The following FAT3 variants were observed in gnomAD, a reference collection of about 807,000 sequenced individuals.
FAT3 encodes protocadherin Fat 3.
FAT3 carries 95 observed loss-of-function variants against 310.2 expected under a neutral mutation model. The observed-to-expected ratio is 0.31, with a 90% confidence interval of 0.26 to 0.36. The LOEUF is 0.36. Among genes scored for constraint, FAT3 ranks in the 10% least tolerant of loss-of-function variants. The pLI is 1.00. For missense variants in FAT3, 5,408 were observed against 5,715.6 expected (o/e 0.95, Z 1.74); for synonymous variants, 2,314 against 2,192.9 (o/e 1.06, Z -1.54).
At chr11:92,847,822 C>A (rs1210602083) in intron 19 of FAT3, among the ~76,000 whole-genome samples, 2 of 152,082 alleles carry the variant, frequency 1.3e-5, no homozygotes, top group African/African-American at 2.4e-5. Flanking sequence ...AAAAATACAA[C>A]CATGAATTGT....
At chr11:92,499,713 A>ATGTGTG (rs1236694038) in intron 2 of FAT3, among the ~76,000 whole-genome samples, 40 of 119,406 alleles carry the variant, frequency 3.3e-4, no homozygotes, top group African/African-American at 1.3e-3. Flanking sequence ...GTGTGTGTGT[A>ATGTGTG]TGTGTGTGTA....
intron 10 of FAT3, 114 bp downstream of exon 10, chr11:92,802,023 A>AAG: frequency 9.7e-7 from 1 of 1,033,136 alleles, no homozygotes; most frequent in Non-Finnish European, 1.4e-6. Flanking sequence ...CAGTGTAATG[A>AAG]AGCCTCTCTG....
At chr11:92,835,623 AT>A (rs1224338967) in intron 15 of FAT3, among the ~76,000 whole-genome samples, 1 of 152,188 alleles carries the variant, frequency 6.6e-6, no homozygotes, top group East Asian at 1.9e-4. Flanking sequence ...TTCATAAATC[AT>A]AACATCACTT....
intron 2 of FAT3, among the ~76,000 whole-genome samples, chr11:92,482,436 TTA>T (rs1052904000): frequency 1.4e-4 from 21 of 152,302 alleles, no homozygotes; most frequent in Admixed American, 2.0e-4. Flanking sequence ...GGTGTATTTT[TTA>T]TGTTTCTCCA....
At chr11:92,560,942 A>G (rs1955203476) in intron 3 of FAT3, among the ~76,000 whole-genome samples, 1 of 152,200 alleles carries the variant, frequency 6.6e-6, no homozygotes, top group Admixed American at 6.5e-5. Flanking sequence ...TTACTGCAAA[A>G]ACTTTTCATA....
In FAT3 at chr11:92,858,657, A is replaced by G. The variant is rs376041555; in HGVS notation, c.11501-508A>G. Among the ~76,000 whole-genome samples the G allele has an allele frequency of 5.9e-5, 9 of 152,306 alleles. No homozygotes were observed. In the East Asian group the frequency reaches 1.5e-3, roughly 26 times the overall value. On this transcript the variant is annotated intron_variant, in intron 20 of 27. Coordinates refer to ENST00000525166, the MANE Select transcript of FAT3 (RefSeq NM_001367949.2). ...AAGTGTGACTACATGAATTTCCTTT[A>G]TATCAGTTATCTTTTTGCAACATTA...
intron 7 of FAT3, among the ~76,000 whole-genome samples, chr11:92,776,365 T>C (rs1946597824): frequency 1.3e-5 from 2 of 152,238 alleles, no homozygotes; most frequent in South Asian, 4.1e-4. Flanking sequence ...AAATTATCAA[T>C]GATACTTTTA....
chr11:92,628,921 C>T (rs973473103), intron 3 of FAT3, among the ~76,000 whole-genome samples: 5 of 152,202 alleles, frequency 3.3e-5, no homozygotes, highest in Admixed American at 3.3e-4. Context: ...CACACACACA[C>T]ACTGCAGGAC....
At chr11:92,811,993 T>C (rs1478192979) in intron 13 of FAT3, among the ~76,000 whole-genome samples, 1 of 152,100 alleles carries the variant, frequency 6.6e-6, no homozygotes, top group Non-Finnish European at 1.5e-5. Flanking sequence ...GACGAAGTGG[T>C]TGTGAAGGTC....
intron 3 of FAT3, among the ~76,000 whole-genome samples, chr11:92,696,885 A>G (rs916862330): frequency 1.3e-5 from 2 of 152,218 alleles, no homozygotes; most frequent in Non-Finnish European, 2.9e-5. Context: ...AAGTTATTAA[A>G]TATGAAATAA....
chr11:92,336,221 G>A, intron 1 of FAT3: 3 of 568,604 alleles, frequency 5.3e-6, no homozygotes, highest in South Asian at 4.2e-5. Context: ...AGACGCCAAA[G>A]AAGAAGACAA....
intron 13 of FAT3, among the ~76,000 whole-genome samples, chr11:92,820,760 G>A (rs1287626189): frequency 6.6e-6 from 1 of 152,150 alleles, no homozygotes; most frequent in African/African-American, 2.4e-5. Flanking sequence ...TAGAAACCAT[G>A]AAATAATAAA....
intron 19 of FAT3, among the ~76,000 whole-genome samples, chr11:92,850,387 C>T (rs1948794409): frequency 6.6e-6 from 1 of 152,206 alleles, no homozygotes; most frequent in South Asian, 2.1e-4. Flanking sequence ...TCCACCCATA[C>T]ACAGCTGCCC....
intron 2 of FAT3, among the ~76,000 whole-genome samples, chr11:92,492,135 A>G (rs369607640): frequency 1.3e-5 from 2 of 152,058 alleles, no homozygotes; most frequent in East Asian, 1.9e-4. Context: ...GTAATTATAT[A>G]TGTACTCCTA....
intron 3 of FAT3, among the ~76,000 whole-genome samples, chr11:92,660,692 T>C (rs1942751612): frequency 6.6e-6 from 1 of 152,208 alleles, no homozygotes; most frequent in Admixed American, 6.5e-5. Flanking sequence ...TCTCTCATGC[T>C]GTGATTTCAA....
At chr11:92,889,991 T>A in intron 27 of FAT3, 100 bp downstream of exon 27, 1 of 717,122 alleles carries the variant, frequency 1.4e-6, no homozygotes, top group Non-Finnish European at 2.6e-6. Context: ...GATCTGAATT[T>A]TGCATGTCTC....
chr11:92,866,685 G>A (rs3847553), intron 21 of FAT3, 56 bp from the exon 22 acceptor site: 1,185,098 of 1,501,536 alleles, frequency 0.79, 469,798 homozygotes, highest in Middle Eastern at 0.9. Flanking sequence ...CAGGGTGTAG[G>A]GAACATATTC....
intron 3 of FAT3, among the ~76,000 whole-genome samples, chr11:92,643,955 A>G (rs1942053351): frequency 1.3e-5 from 2 of 152,288 alleles, no homozygotes; most frequent in South Asian, 4.1e-4. Context: ...GGATAAAAGA[A>G]TGGCTACATG....
In FAT3 at chr11:92,892,387, G is replaced by A. The variant is rs967387031; in HGVS notation, c.*1274G>A. ...CTCTGGTTCAGTTAACTTTATTTTG[G>A]TACTGCCAATAAAGCAAAATTGTGC... On this transcript the variant is annotated 3_prime_UTR_variant, in exon 28 of 28. Coordinates refer to ENST00000525166, the MANE Select transcript of FAT3 (RefSeq NM_001367949.2). 6.7e-6 allele frequency: 1 copy of A among 150,174 alleles called. No individual in the cohort carries two copies. Among genetic ancestry groups the A allele is most frequent in the Non-Finnish European group, 1.5e-5 (1 of 67,752 alleles). The allele number at this position is 150,174 out of a possible 1,614,324, so 9.3% of individuals were successfully genotyped here. A position where few individuals can be genotyped will look rare whatever the true frequency, so the allele number is the denominator to read the frequency against.
Sources: allele counts gnomAD v4.1 joint callset (sites outside exome capture counted in the v4.1 genomes callset), GRCh38; gene constraint gnomAD v4.1.1; transcripts MANE v1.5; gene names NCBI Gene and HGNC (gene_info 2026-07-23, HGNC 2026-07-21).